Variants in TEX29 observed in about 807,000 individuals in gnomAD.
TEX29 encodes testis expressed 29, also known as testis-expressed protein 29.
TEX29 carries 26 observed loss-of-function variants against 18.2 expected under a neutral mutation model. That is an observed-to-expected ratio of 1.43 (90% CI 1.04 to 1.98). The LOEUF is 1.98. TEX29 is among the 30% of genes most tolerant of loss of function. The pLI, the probability that TEX29 is intolerant of heterozygous loss-of-function variation, is 0.00. For synonymous variants in TEX29, 83 were observed against 78.5 expected, an observed-to-expected ratio of 1.06 and a Z score of -0.31; for missense variants, 177 against 194.2, an observed-to-expected ratio of 0.91 and a Z score of 0.53.
At chr13:111,327,684 G>A (rs1007985560) in intron 2 of TEX29, among the ~76,000 whole-genome samples, 13 of 152,166 alleles carry the variant, frequency 8.5e-5, no homozygotes, top group South Asian at 2.1e-4. Flanking sequence ...CTCCCACGGC[G>A]CGCCGCACAC....
intron 3 of TEX29, chr13:111,339,575 C>T: frequency 1.9e-6 from 1 of 534,816 alleles, no homozygotes; most frequent in South Asian, 2.0e-5. Context: ...TGCCGTCTCT[C>T]CATGCACTCC....
At chr13:111,317,079 G>A (rs994123072), upstream of TEX29, among the ~76,000 whole-genome samples, 1 of 152,164 alleles carries the variant, frequency 6.6e-6, no homozygotes, top group Non-Finnish European at 1.5e-5. Context: ...TGAGATTTGG[G>A]TGGGGACACA....
chr13:111,339,514 G>T (rs1171307595), intron 3 of TEX29: 3 of 422,792 alleles, frequency 7.1e-6, no homozygotes, highest in Non-Finnish European at 1.3e-5. Context: ...CACCCCCGGG[G>T]GTCATGAGCC....
rs2093695356 is a variant in TEX29, at chr13:111,340,006, G to A, written c.239+74G>A. 4.8e-6 allele frequency: 7 copies of A among 1,459,998 alleles called. No homozygotes were observed. In the South Asian group the frequency reaches 6.8e-5, roughly 14 times the overall value. The allele number at this position is 1,459,998 out of a possible 1,614,324, so 90.4% of individuals were successfully genotyped here. ...CTCTCCTGGCCGCAGCTTCCTGCCT[G>A]CCTGGGCTCCTTCGGGCTTGGTGCT... On this transcript the variant is annotated intron_variant, in intron 4 of 5. Transcript: ENST00000283547.
chr13:111,324,950 G>A (rs578033860), intron 2 of TEX29, among the ~76,000 whole-genome samples: 1 of 152,304 alleles, frequency 6.6e-6, no homozygotes, highest in East Asian at 1.9e-4. Flanking sequence ...AGTGGGATGA[G>A]CGAGGGAATG....
At chr13:111,326,893 G>A (rs879845515) in intron 2 of TEX29, among the ~76,000 whole-genome samples, 2 of 152,156 alleles carry the variant, frequency 1.3e-5, no homozygotes, top group Non-Finnish European at 2.9e-5. Context: ...GTGCCTGGAT[G>A]CCCTGGGAGC....
At chr13:111,337,162 C>T (rs2093690725) in intron 3 of TEX29, among the ~76,000 whole-genome samples, 1 of 152,180 alleles carries the variant, frequency 6.6e-6, no homozygotes, top group Non-Finnish European at 1.5e-5. Flanking sequence ...AGTGCAGATT[C>T]TCTGGGCAAG....
chr13:111,339,216 T>C, intron 3 of TEX29: 1 of 454,390 alleles, frequency 2.2e-6, no homozygotes, highest in South Asian at 1.6e-5. Flanking sequence ...ACTTGGGGAT[T>C]GCAGGAACCC....
intron 3 of TEX29, among the ~76,000 whole-genome samples, chr13:111,328,625 G>C (rs1402760418): frequency 6.6e-6 from 1 of 152,232 alleles, no homozygotes; most frequent in Non-Finnish European, 1.5e-5. Flanking sequence ...TGGGGAAATA[G>C]TGCTGCAGAA....
At chr13:111,343,401 G>T (rs9522189) in intron 5 of TEX29, among the ~76,000 whole-genome samples, 1 of 150,834 alleles carries the variant, frequency 6.6e-6, no homozygotes, top group Non-Finnish European at 1.5e-5. Context: ...TGCCCTGGCC[G>T]CCTGGTGGTC....
intron 5 of TEX29, 148 bp from the exon 6 acceptor site, chr13:111,343,932 TAGG>T (rs1266278273): frequency 5.9e-6 from 4 of 681,086 alleles, no homozygotes; most frequent in Admixed American, 4.9e-5. Flanking sequence ...ATGAGAAACA[TAGG>T]AGGATACGGC....
chr13:111,320,988 G>GGGGGGGGGGGGGGGGGGGGGGGGGGGGT, intron 2 of TEX29, 40 bp downstream of exon 2: 2 of 431,434 alleles, frequency 4.6e-6, no homozygotes, highest in East Asian at 6.6e-5. Flanking sequence ...TGGGGTGGGG[G>GGGGGGGGGGGGGGGGGGGGGGGGGGGGT]AGCAGTTGGG....
chr13:111,337,033 A>G (rs1354624393), intron 3 of TEX29, among the ~76,000 whole-genome samples: 1 of 152,244 alleles, frequency 6.6e-6, no homozygotes, highest in African/African-American at 2.4e-5. Flanking sequence ...GGAATAAAAC[A>G]TTTCCTGGAG....
upstream of TEX29, among the ~76,000 whole-genome samples, chr13:111,316,815 G>C (rs1338558801): frequency 6.6e-6 from 1 of 152,186 alleles, no homozygotes; most frequent in African/African-American, 2.4e-5. Context: ...ATTTACAAAG[G>C]AAAGAGGTTT....
chr13:111,317,366 TG>T (rs565547470), upstream of TEX29, among the ~76,000 whole-genome samples: 9 of 152,110 alleles, frequency 5.9e-5, no homozygotes, highest in South Asian at 1.9e-3. Context: ...CTGTCTTGTG[TG>T]GTTGGCAGCA....
At position 111,344,060 on chromosome 13, in the gene TEX29, ATTC is replaced by A. The variant is rs758504681; in HGVS notation, c.416-17_416-15del. ...GCTGAATATTCCATTTGAAAAAACA[ATTC>A]TTCTTTTCTAAAAATCTAGTAACAG... On this transcript the variant is annotated intron_variant, in intron 5 of 5. Coordinates refer to ENST00000283547, the MANE Select transcript of TEX29 (RefSeq NM_152324.3). 5.6e-5 allele frequency: 90 copies of A among 1,601,850 alleles called. No homozygotes were observed. The highest frequency in any genetic ancestry group is 3.5e-4 in the South Asian group (32 of 90,428).
At chr13:111,322,576 G>C (rs974425590) in intron 2 of TEX29, among the ~76,000 whole-genome samples, 5 of 152,162 alleles carry the variant, frequency 3.3e-5, no homozygotes, top group Non-Finnish European at 7.4e-5. Flanking sequence ...GTCATCTCAG[G>C]TGTGCCAGGT....
At chr13:111,319,957 C>G (rs1278100360), upstream of TEX29, among the ~76,000 whole-genome samples, 1 of 152,234 alleles carries the variant, frequency 6.6e-6, no homozygotes, top group East Asian at 1.9e-4. Flanking sequence ...ACAAAATCTG[C>G]TAGTAACTCC....
At chr13:111,342,557 C>CA (rs34305274) in intron 4 of TEX29, among the ~76,000 whole-genome samples, 199 bp from the exon 5 acceptor site, 5,767 of 75,170 alleles carry the variant, frequency 0.077, 408 homozygotes, top group African/African-American at 0.16. Context: ...AAAACTGTCT[C>CA]AAAAAAAAAA....
Sources: allele counts gnomAD v4.1 joint callset (sites outside exome capture counted in the v4.1 genomes callset), GRCh38; gene constraint gnomAD v4.1.1; transcripts MANE v1.5; gene names NCBI Gene and HGNC (gene_info 2026-07-23, HGNC 2026-07-21).